CHRNG: variants seen among roughly 807,000 people sequenced by gnomAD.
CHRNG encodes the protein cholinergic receptor nicotinic gamma subunit.
CHRNG carries 72 observed loss-of-function variants against 65.2 expected under a neutral mutation model. The observed-to-expected ratio is 1.10, with a 90% CI of 0.91 to 1.34. CHRNG has a LOEUF of 1.34. Ranked by LOEUF, CHRNG falls within the 40% of genes most tolerant of loss-of-function variation. The pLI is 0.00. For synonymous variants in CHRNG, 284 were observed against 290.2 expected, an observed-to-expected ratio of 0.98 and a Z score of 0.22; for missense variants, 637 against 680.1, an observed-to-expected ratio of 0.94 and a Z score of 0.70.
chr2:232,543,466 C>T (rs1692058758), intron 8 of CHRNG, 77 bp downstream of exon 8: 4 of 1,264,476 alleles, frequency 3.2e-6, no homozygotes, highest in Non-Finnish European at 4.6e-6. Context: ...GCATTGCCCT[C>T]TTGCCCTCCA....
chr2:232,544,471 A>G lies in CHRNG; in HGVS notation c.1140A>G (p.Gly380=), dbSNP rs1574646584. ...CCCGGCTACAGAATGGCTCCTCGGGATGGTCGATCACAACTGGGGAGGAGG... is the reference window on the plus strand; with the variant it reads ...CCCGGCTACAGAATGGCTCCTCGGGGTGGTCGATCACAACTGGGGAGGAGG... The part of the protein sequence containing the change: ...TQSRLQNGSS[G]WSITTGEEVA... The change falls in exon 10 of 12, where the codon GGA becomes GGG. Residue 380 remains glycine (G), a synonymous_variant. Coordinates refer to ENST00000651502, the MANE Select transcript of CHRNG (RefSeq NM_005199.5). 1 of 1,613,674 alleles carries G rather than the reference A, an allele frequency of 6.2e-7. No homozygotes were observed. The highest frequency in any genetic ancestry group is 1.3e-5 in the African/African-American group (1 of 75,034).
rs1369009270 is a variant in CHRNG at position 232,544,522 on chromosome 2, ACTC to A, written c.1195_1197del (p.Leu399del). On this transcript the variant is annotated inframe_deletion, in exon 10 of 12. Coordinates refer to ENST00000651502, the MANE Select transcript of CHRNG (RefSeq NM_005199.5). Reference sequence around the variant, plus strand: ...TGGCCCTCTGCCTGCCTCGCAGTGAACTCCTCTTCCAGCAGTGGCAGCGGCAAG... The same window carrying A: ...TGGCCCTCTGCCTGCCTCGCAGTGAACTCTTCCAGCAGTGGCAGCGGCAAG... 1 of 1,613,604 alleles carries A rather than the reference ACTC, an allele frequency of 6.2e-7. No homozygotes were observed. The highest frequency in any genetic ancestry group is 1.3e-5 in the African/African-American group (1 of 74,946).
rs1423478818 is a variant in CHRNG at position 232,541,505 on chromosome 2, G to A, written c.482G>A (p.Trp161Ter). The A allele has an allele frequency of 6.2e-7, 1 of 1,614,022 alleles. No homozygotes were observed. Among genetic ancestry groups the A allele is most frequent in the Non-Finnish European group, 8.5e-7 (1 of 1,179,982 alleles). Reference sequence around the variant, plus strand: ...TCAGTCACCTACTTCCCCTTCGACTGGCAGAACTGCTCCCTTATCTTCCAG... The same window carrying A: ...TCAGTCACCTACTTCCCCTTCGACTAGCAGAACTGCTCCCTTATCTTCCAG... Reference protein sequence around the residue: ...SISVTYFPFDWQNCSLIFQSQ... With the variant: ...SISVTYFPFD Residue 161 changes from tryptophan (W) to a stop codon, truncating the protein, a stop_gained, in exon 5 of 12, where the codon TGG (tryptophan) becomes TAG (stop). Coordinates refer to ENST00000651502, the MANE Select transcript of CHRNG (RefSeq NM_005199.5). LOFTEE classifies it high-confidence loss of function. The surrounding 1 kb of genome is among the most constrained non-coding windows in gnomAD (Gnocchi z 4.0).
Position 232,544,802 on chromosome 2 carries a change from T to C in CHRNG, c.1280T>C (p.Phe427Ser). The C allele has an allele frequency of 6.2e-7, 1 of 1,613,984 alleles. No homozygotes were observed. Among genetic ancestry groups the C allele is most frequent in the Non-Finnish European group, 8.5e-7 (1 of 1,179,972 alleles). The change falls in exon 11 of 12, where the codon TTC (phenylalanine) becomes TCC (serine). Residue 427 changes from phenylalanine (F) to serine (S), a missense_variant. By Grantham distance (155) the Phe-to-Ser change is radical. Coordinates refer to ENST00000651502, the MANE Select transcript of CHRNG (RefSeq NM_005199.5). Reference sequence around the variant, plus strand: ...GGCCCGGAGTTAGGGCTGAGCCAGTTCTGTGGCAGCCTGAAGCAGGCTGCC... The same window carrying C: ...GGCCCGGAGTTAGGGCTGAGCCAGTCCTGTGGCAGCCTGAAGCAGGCTGCC... ...EKGPELGLSQ[F>S]CGSLKQAAPA...
chr2:232,540,428 A>G lies in CHRNG; in HGVS notation c.240+3A>G, dbSNP rs778602798. 6.2e-7 allele frequency: 1 copy of G among 1,613,874 alleles called. No homozygotes were observed. Among genetic ancestry groups the G allele is most frequent in the Non-Finnish European group, 8.5e-7 (1 of 1,179,960 alleles). On this transcript the variant is annotated splice_donor_region_variant and intron_variant, in intron 3 of 11. Transcript: ENST00000651502. This position sits in a 1 kb window ranked among gnomAD's most constrained non-coding sequence, Gnocchi z 4.2. ...CCACCAATGTCTGGATAGAGATGGT[A>G]AGAGGCCACCCTGCCACCCTCCTTC... is the stretch of plus-strand genomic sequence containing the variant.
intron 6 of CHRNG, 111 bp from the exon 7 acceptor site, chr2:232,542,771 T>C: frequency 9.4e-6 from 9 of 958,016 alleles, no homozygotes; most frequent in Non-Finnish European, 1.5e-5. Context: ...GTGCCTCCCC[T>C]GCTGGTGCTC....
chr2:232,540,324 G>C lies in CHRNG; in HGVS notation c.196-57G>C. On this transcript the variant is annotated intron_variant, in intron 2 of 11. Transcript: ENST00000651502. This position sits in a 1 kb window ranked among gnomAD's most constrained non-coding sequence, Gnocchi z 4.2. ...TGCTTGGCCCCATTGGTGGCCTGTGGGGACTGGCACTGAAGTCGGGGGCTG... is the reference window on the plus strand; with the variant it reads ...TGCTTGGCCCCATTGGTGGCCTGTGCGGACTGGCACTGAAGTCGGGGGCTG... 1 of 1,610,396 alleles carries C rather than the reference G, an allele frequency of 6.2e-7. No homozygotes were observed. The highest frequency in any genetic ancestry group is 1.1e-5 in the South Asian group (1 of 91,008).
chr2:232,539,914 T>G, intron 1 of CHRNG, 78 bp from the exon 2 acceptor site: 1 of 1,610,052 alleles, frequency 6.2e-7, no homozygotes, highest in Non-Finnish European at 8.5e-7. Context: ...GTTCCCTGAG[T>G]CCCCACTTCA....
chr2:232,546,259 C>T lies in CHRNG; in HGVS notation c.*543C>T, dbSNP rs1692132543. 1.3e-5 allele frequency: 2 copies of T among 155,390 alleles called. No homozygotes were observed. The highest frequency in any genetic ancestry group is 2.8e-5 in the Non-Finnish European group (2 of 70,558). 9.6% of individuals were successfully genotyped at this position (155,390 alleles called of 1,614,324 possible). ...CCCCAGTGGCCTTTCCATTCATGTG[C>T]ATTTTTCTGCCACTGACCACAAGAC... On this transcript the variant is annotated 3_prime_UTR_variant, in exon 12 of 12. Coordinates refer to ENST00000651502, the MANE Select transcript of CHRNG (RefSeq NM_005199.5).
chr2:232,544,690 C>G, intron 10 of CHRNG, 82 bp from the exon 11 acceptor site: 1 of 1,577,426 alleles, frequency 6.3e-7, no homozygotes, highest in East Asian at 2.2e-5. Context: ...GAGAGAGGAG[C>G]TGGGGTCCCT....
Position 232,546,508 on chromosome 2 carries a change from C to G in CHRNG, c.*792C>G, listed in dbSNP as rs1462491166. ...CACCACAGGCATGCACCACTACACC[C>G]AGCTACTTTTAAATTTTTAGTAGAG... On this transcript the variant is annotated 3_prime_UTR_variant, in exon 12 of 12. Transcript: ENST00000651502. The G allele has an allele frequency of 6.6e-6, 1 of 152,142 alleles. No homozygotes were observed. Among genetic ancestry groups the G allele is most frequent in the East Asian group, 1.9e-4 (1 of 5,174 alleles). 9.4% of individuals were successfully genotyped at this position (152,142 alleles called of 1,614,324 possible).
chr2:232,545,402 C>T, intron 11 of CHRNG, 141 bp from the exon 12 acceptor site: 1 of 783,502 alleles, frequency 1.3e-6, no homozygotes, highest in South Asian at 1.5e-5. Flanking sequence ...TGGAATTAGC[C>T]ACCAGTTGGG....
Position 232,545,906 on chromosome 2 carries a change from G to A in CHRNG, c.*190G>A. ...TGGAGTCCGAGAGTGGTTGGGGGTG[G>A]GCCGTGGCTAGTGTCCTGCTGCAGT... On this transcript the variant is annotated 3_prime_UTR_variant, in exon 12 of 12. Transcript: ENST00000651502. The A allele has an allele frequency of 1.4e-6, 1 of 708,066 alleles. No homozygotes were observed. Among genetic ancestry groups the A allele is most frequent in the Non-Finnish European group, 2.5e-6 (1 of 405,678 alleles). 43.9% of individuals were successfully genotyped at this position (708,066 alleles called of 1,614,324 possible). A position where few individuals can be genotyped will look rare whatever the true frequency, so the allele number is the denominator to read the frequency against.
At position 232,546,845 on chromosome 2, in the gene CHRNG, A is replaced by G. The variant is rs1170783121; in HGVS notation, c.*1129A>G. On this transcript the variant is annotated 3_prime_UTR_variant, in exon 12 of 12. Coordinates refer to ENST00000651502, the MANE Select transcript of CHRNG (RefSeq NM_005199.5). ...AAAAACAGGCCCTTCTTCCCAAAGG[A>G]TGGTTAAGACAAGGAAGAGCTAGGC... Among the ~76,000 whole-genome samples the G allele has an allele frequency of 6.6e-6, 1 of 152,106 alleles. No homozygotes were observed. The highest frequency in any genetic ancestry group is 1.5e-5 in the Non-Finnish European group (1 of 68,026).
chr2:232,548,039 G>A lies in CHRNG; in HGVS notation c.*2323G>A. 3.6e-6 allele frequency: 2 copies of A among 559,494 alleles called. No individual in the cohort carries two copies. Among genetic ancestry groups the A allele is most frequent in the Non-Finnish European group, 3.1e-6 (1 of 319,474 alleles). 34.7% of individuals were successfully genotyped at this position (559,494 alleles called of 1,614,324 possible). ...ACTGTAGACCAGCAAGAGTGCAATAGCATTGTCTAATAAAACAATATACAT... is the reference window on the plus strand; with the variant it reads ...ACTGTAGACCAGCAAGAGTGCAATAACATTGTCTAATAAAACAATATACAT... On this transcript the variant is annotated 3_prime_UTR_variant, in exon 12 of 12. Coordinates refer to ENST00000651502, the MANE Select transcript of CHRNG (RefSeq NM_005199.5).
At position 232,545,643 on chromosome 2, in the gene CHRNG, T is replaced by C. The variant is rs1482213191; in HGVS notation, c.1481T>C (p.Met494Thr). ...FICGTAGIFL[M>T]AHYNRVPALP... The stretch of plus-strand genomic sequence containing the variant: ...TGTGGCACAGCTGGCATCTTCCTCA[T>C]GGCCCACTACAACCGGGTGCCGGCC... Residue 494 changes from methionine to threonine, a missense_variant, in exon 12 of 12, where the codon ATG becomes ACG. Met to Thr is a moderately conservative substitution (Grantham distance 81). Transcript: ENST00000651502. The C allele has an allele frequency of 1.2e-6, 2 of 1,614,174 alleles. No individual in the cohort carries two copies. Among genetic ancestry groups the C allele is most frequent in the Non-Finnish European group, 1.7e-6 (2 of 1,180,026 alleles).
Position 232,546,160 on chromosome 2 carries a change from A to T in CHRNG, c.*444A>T, listed in dbSNP as rs558982566. 2.1e-4 allele frequency: 58 copies of T among 277,278 alleles called. 1 individual carries two copies. The highest frequency in any genetic ancestry group is 3.2e-4 in the Non-Finnish European group (45 of 140,434). 17.2% of individuals were successfully genotyped at this position (277,278 alleles called of 1,614,324 possible). On this transcript the variant is annotated 3_prime_UTR_variant, in exon 12 of 12. Transcript: ENST00000651502. ...TAGCAGCCGATGCTCTCTCCAAAGC[A>T]GGGCAGCAGCCCATACCAGCTGGCA... is the stretch of plus-strand genomic sequence containing the variant.
rs552312899 is a variant in CHRNG at position 232,540,896 on chromosome 2, A to G, written c.350+185A>G. On this transcript the variant is annotated intron_variant, in intron 4 of 11. Transcript: ENST00000651502. The surrounding 1 kb of genome is among the most constrained non-coding windows in gnomAD (Gnocchi z 4.2). ...GGCCCTGGGTATGCCCTCTGACCCCAGGGCCAGCAGAGCAGACCCTACGCC... is the reference window on the plus strand; with the variant it reads ...GGCCCTGGGTATGCCCTCTGACCCCGGGGCCAGCAGAGCAGACCCTACGCC... Among the ~76,000 whole-genome samples, 41 of 152,188 alleles carry G rather than the reference A, an allele frequency of 2.7e-4. No homozygotes were observed. The highest frequency in any genetic ancestry group is 1.0e-3 in the Admixed American group (16 of 15,296).
chr2:232,543,747 A>C, intron 9 of CHRNG, 48 bp downstream of exon 9: 2 of 1,145,426 alleles, frequency 1.7e-6, no homozygotes, highest in Non-Finnish European at 2.6e-6. Context: ...CCACTCCCCT[A>C]CGCCTCCCTC....
Sources: gnomAD v4.1 joint callset for allele counts (sites outside exome capture counted in the v4.1 genomes callset) on GRCh38, gnomAD v4.1.1 for gene constraint, Gnocchi (gnomAD v3.1) non-coding constraint, MANE v1.5 for transcripts, NCBI Gene and HGNC (gene_info 2026-07-23, HGNC 2026-07-21) for gene names.